Variants in EPM2A observed in about 807,000 individuals in gnomAD.
EPM2A encodes the protein laforin.
EPM2A carries 21 observed loss-of-function variants against 26.5 expected under a neutral mutation model. That is an observed-to-expected ratio of 0.79 (90% CI 0.56 to 1.14). EPM2A has a LOEUF of 1.14. EPM2A is among the 50% of genes most tolerant of loss of function. EPM2A has a pLI of 0.00. For missense variants in EPM2A, 458 were observed against 440.8 expected (o/e 1.04, Z -0.35); for synonymous variants, 217 against 177.6 (o/e 1.22, Z -1.76).
At chr6:145,510,921 C>T (rs556746926) in intron 2 of EPM2A, among the ~76,000 whole-genome samples, 1 of 152,188 alleles carries the variant, frequency 6.6e-6, no homozygotes, top group East Asian at 1.9e-4. Flanking sequence ...ATTACAACTT[C>T]TCCAATAGAA....
chr6:145,389,551 C>T (rs886611663), intron 4 of EPM2A, among the ~76,000 whole-genome samples: 38 of 152,064 alleles, frequency 2.5e-4, no homozygotes, highest in African/African-American at 7.5e-4. Context: ...TCTTTTGCCT[C>T]GTGAATGTAA....
intron 4 of EPM2A, among the ~76,000 whole-genome samples, chr6:145,398,084 A>G (rs1230908274): frequency 6.7e-6 from 1 of 150,032 alleles, no homozygotes; most frequent in Non-Finnish European, 1.5e-5. Flanking sequence ...TTTAATTGTT[A>G]TATCTGTAGA....
At chr6:145,529,708 G>T in intron 2 of EPM2A, among the ~76,000 whole-genome samples, 1 of 152,260 alleles carries the variant, frequency 6.6e-6, no homozygotes, top group African/African-American at 2.4e-5. Context: ...GTATGCCTGT[G>T]CATGCAAAAG....
chr6:145,596,394 C>T (rs1343110003), intron 2 of EPM2A, among the ~76,000 whole-genome samples: 2 of 152,086 alleles, frequency 1.3e-5, no homozygotes, highest in Non-Finnish European at 2.9e-5. Context: ...TACATATTGT[C>T]AATAATATTA....
intron 4 of EPM2A, among the ~76,000 whole-genome samples, chr6:145,442,970 C>T (rs2114702187): frequency 6.6e-6 from 1 of 152,104 alleles, no homozygotes; most frequent in South Asian, 2.1e-4. Flanking sequence ...ATGCCATTCT[C>T]CTGCCTCAGC....
intron 2 of EPM2A, among the ~76,000 whole-genome samples, chr6:145,502,845 C>T (rs924187263): frequency 6.6e-6 from 1 of 152,104 alleles, no homozygotes; most frequent in African/African-American, 2.4e-5. Flanking sequence ...AATCTTAAGG[C>T]TTTCACTGAA....
At chr6:145,441,939 G>A (rs1779068089) in intron 4 of EPM2A, among the ~76,000 whole-genome samples, 1 of 152,100 alleles carries the variant, frequency 6.6e-6, no homozygotes. Flanking sequence ...CGAATGCTTT[G>A]CTGCTTATAA....
At chr6:145,690,442 G>A (rs904464073) in intron 1 of EPM2A, among the ~76,000 whole-genome samples, 5 of 150,618 alleles carry the variant, frequency 3.3e-5, no homozygotes, top group South Asian at 2.1e-4. Context: ...CCCGGGAAGC[G>A]GAGCTTGCAG....
At chr6:145,466,944 G>A (rs949134012) in intron 4 of EPM2A, among the ~76,000 whole-genome samples, 3 of 152,142 alleles carry the variant, frequency 2.0e-5, no homozygotes, top group Non-Finnish European at 4.4e-5. Context: ...ACTGAACAAT[G>A]AGAACACATG....
intron 2 of EPM2A, among the ~76,000 whole-genome samples, chr6:145,675,086 C>A (rs1779930553): frequency 6.6e-6 from 1 of 152,216 alleles, no homozygotes; most frequent in African/African-American, 2.4e-5. Flanking sequence ...CAGCAGATCT[C>A]TCTGCAGAAA....
chr6:145,478,316 T>C (rs745721050), intron 4 of EPM2A, among the ~76,000 whole-genome samples: 2 of 151,888 alleles, frequency 1.3e-5, no homozygotes, highest in Non-Finnish European at 2.9e-5. Flanking sequence ...TGTTCATAGA[T>C]GGGAAGAATC....
At chr6:145,499,597 C>T (rs937330058), downstream of EPM2A, among the ~76,000 whole-genome samples, 1 of 152,184 alleles carries the variant, frequency 6.6e-6, no homozygotes, top group African/African-American at 2.4e-5. Flanking sequence ...CAGTGTCTGG[C>T]ACATAGTAAA....
intron 4 of EPM2A, among the ~76,000 whole-genome samples, chr6:145,416,600 A>C (rs1285005359): frequency 6.6e-6 from 1 of 152,194 alleles, no homozygotes; most frequent in African/African-American, 2.4e-5. Flanking sequence ...GAGCACAGAG[A>C]GTTGAGTGTT....
Position 145,664,866 on chromosome 6 carries a change from A to G in EPM2A, c.476+21256T>C, listed in dbSNP as rs1779044171. On this transcript the variant is annotated intron_variant, in intron 2 of 3. Transcript: ENST00000367519. ...AACTCAGGATTAAGACTCTCACTCA[A>G]AGCCACTCAACTACATGGAAACTGA... Among the ~76,000 whole-genome samples the G allele has an allele frequency of 2.0e-5, 3 of 151,754 alleles. No homozygotes were observed. The South Asian group carries it at 6.3e-4, about 32-fold the overall frequency.
At chr6:145,735,531 G>A (rs1264952067), upstream of EPM2A, 1 of 1,168,936 alleles carries the variant, frequency 8.6e-7, no homozygotes, top group Non-Finnish European at 1.1e-6. Context: ...ACCCGGGCCC[G>A]GAGTCCCCGC....
intron 4 of EPM2A, among the ~76,000 whole-genome samples, chr6:145,393,315 G>T (rs768452827): frequency 6.6e-6 from 1 of 151,810 alleles, no homozygotes; most frequent in East Asian, 1.9e-4. Flanking sequence ...TAAACAACAA[G>T]CCCCATCTAA....
intron 2 of EPM2A, among the ~76,000 whole-genome samples, chr6:145,549,382 T>G (rs1316088579): frequency 2.6e-5 from 4 of 152,272 alleles, no homozygotes; most frequent in Middle Eastern, 3.4e-3. Flanking sequence ...AAAATTGTTT[T>G]CATGATTTAT....
chr6:145,627,344 T>C lies in EPM2A; in HGVS notation c.*72A>G, dbSNP rs1345223809. On this transcript the variant is annotated 3_prime_UTR_variant, in exon 4 of 4. Coordinates refer to ENST00000367519, the MANE Select transcript of EPM2A (RefSeq NM_005670.4). ...TTTCAGTTCAGGTAGAATCCTTGTT[T>C]CTAGGTCATTTGACCAACATCATCC... 1 of 1,607,296 alleles carries C rather than the reference T, an allele frequency of 6.2e-7. No individual in the cohort carries two copies. Among genetic ancestry groups the C allele is most frequent in the Non-Finnish European group, 8.5e-7 (1 of 1,179,936 alleles).
chr6:145,725,795 A>C (rs1318806177), intron 1 of EPM2A, among the ~76,000 whole-genome samples: 4 of 152,070 alleles, frequency 2.6e-5, no homozygotes, highest in Admixed American at 2.6e-4. Flanking sequence ...AAGACAGAGG[A>C]GTTTCTAGGG....
Sources: allele counts gnomAD v4.1 joint callset (sites outside exome capture counted in the v4.1 genomes callset), GRCh38; gene constraint gnomAD v4.1.1; transcripts MANE v1.5; gene names NCBI Gene and HGNC (gene_info 2026-07-23, HGNC 2026-07-21).